RBM39: variants seen among roughly 807,000 people sequenced by gnomAD.
The protein encoded by RBM39 is RNA binding motif protein 39, also known as RNA-binding protein 39.
RBM39 carries 12 observed loss-of-function variants against 79.6 expected under a neutral mutation model. The observed-to-expected ratio is 0.15, with a 90% CI of 0.10 to 0.24. The LOEUF is 0.24. Ranked by LOEUF, RBM39 falls within the 10% of genes least tolerant of loss-of-function variation. RBM39 has a pLI of 1.00. For synonymous variants in RBM39, 185 were observed against 208.4 expected, an observed-to-expected ratio of 0.89 and a Z score of 0.97; for missense variants, 243 against 653.4, an observed-to-expected ratio of 0.37 and a Z score of 6.85.
intron 6 of RBM39, 99 bp from the exon 7 acceptor site, chr20:35,725,254 C>T (rs888143542): frequency 8.3e-6 from 7 of 846,232 alleles, no homozygotes; most frequent in African/African-American, 1.7e-5. Context: ...TTTTCAGGTA[C>T]AGGTGGGTTT....
At position 35,702,536 on chromosome 20, in the gene RBM39, A is replaced by G. The variant is rs1050386466; in HGVS notation, c.*1945T>C. ...ATGACACAACAAATTTGTTAGGAAGACTTGGTTCAAGGGGAAAAACTGATA... is the reference window on the plus strand; with the variant it reads ...ATGACACAACAAATTTGTTAGGAAGGCTTGGTTCAAGGGGAAAAACTGATA... On this transcript the variant is annotated 3_prime_UTR_variant, in exon 17 of 17. Transcript: ENST00000253363. 1.3e-5 allele frequency: 2 copies of G among 152,222 alleles called. No homozygotes were observed. Among genetic ancestry groups the G allele is most frequent in the African/African-American group, 4.8e-5 (2 of 41,448 alleles). 9.4% of individuals were successfully genotyped at this position (152,222 alleles called of 1,614,324 possible).
Position 35,734,155 on chromosome 20 carries a change from T to A in RBM39, c.102-2020A>T, listed in dbSNP as rs1056877796. ...ACCTGTAAGCAGGTCATCTTTAGAG[T>A]GCATTGAAAATAGAAAATGAAGACA... is the stretch of plus-strand genomic sequence containing the variant. On this transcript the variant is annotated intron_variant, in intron 3 of 16. Transcript: ENST00000253363. 4 of 1,243,564 alleles carry A rather than the reference T, an allele frequency of 3.2e-6. No homozygotes were observed. In the African/African-American group the frequency reaches 6.2e-5, roughly 19 times the overall value. The allele number at this position is 1,243,564 out of a possible 1,614,324, so 77.0% of individuals were successfully genotyped here.
intron 3 of RBM39, among the ~76,000 whole-genome samples, chr20:35,737,468 G>A (rs1205377919): frequency 6.7e-6 from 1 of 149,100 alleles, no homozygotes; most frequent in Non-Finnish European, 1.5e-5. Flanking sequence ...GCTGAGGCAG[G>A]AGAACTGCCT....
intron 8 of RBM39, 50 bp from the exon 9 acceptor site, chr20:35,721,927 G>A: frequency 6.4e-7 from 1 of 1,563,758 alleles, no homozygotes; most frequent in South Asian, 1.1e-5. Flanking sequence ...GCAGTTTAAA[G>A]ACATACACCT....
At chr20:35,705,930 A>G (rs2035673636) in intron 14 of RBM39, among the ~76,000 whole-genome samples, 1 of 152,108 alleles carries the variant, frequency 6.6e-6, no homozygotes, top group Non-Finnish European at 1.5e-5. Context: ...GGCCAGGCGC[A>G]GCAGCTCATG....
chr20:35,726,912 A>T (rs1005071865), intron 6 of RBM39, among the ~76,000 whole-genome samples: 2 of 151,984 alleles, frequency 1.3e-5, no homozygotes, highest in Non-Finnish European at 2.9e-5. Flanking sequence ...CACAACCTCC[A>T]TCTCACGGGT....
At chr20:35,713,319 T>C (rs1342216622) in intron 11 of RBM39, 4 of 393,938 alleles carry the variant, frequency 1.0e-5, no homozygotes, top group Non-Finnish European at 1.4e-5. Flanking sequence ...GAAACTCTCT[T>C]TTTTTTTTGA....
chr20:35,721,033 T>A (rs2037865610), intron 9 of RBM39, among the ~76,000 whole-genome samples: 1 of 152,094 alleles, frequency 6.6e-6, no homozygotes, highest in Non-Finnish European at 1.5e-5. Flanking sequence ...GCCTCCTATA[T>A]TCAAGGGAGA....
At chr20:35,722,116 TAC>T (rs978322940) in intron 8 of RBM39, among the ~76,000 whole-genome samples, 2 of 151,610 alleles carry the variant, frequency 1.3e-5, no homozygotes, top group African/African-American at 4.8e-5. Flanking sequence ...GCTTCAAGAG[TAC>T]AGTTTTTGGC....
At chr20:35,735,029 C>T in intron 3 of RBM39, 2 of 1,604,684 alleles carry the variant, frequency 1.2e-6, no homozygotes, top group African/African-American at 2.7e-5. Flanking sequence ...TTTGCTATAA[C>T]TGGATTTGAC....
At chr20:35,715,814 G>T (rs1270459482) in intron 10 of RBM39, among the ~76,000 whole-genome samples, 5 of 152,086 alleles carry the variant, frequency 3.3e-5, no homozygotes, top group Non-Finnish European at 5.9e-5. Flanking sequence ...TGAATGGCTT[G>T]GTGCACTCCC....
At chr20:35,705,960 G>C (rs1444036056) in intron 14 of RBM39, among the ~76,000 whole-genome samples, 2 of 152,150 alleles carry the variant, frequency 1.3e-5, no homozygotes, top group Non-Finnish European at 2.9e-5. Context: ...TCAGCACTTT[G>C]GGAAGCTGAG....
intron 3 of RBM39, among the ~76,000 whole-genome samples, chr20:35,737,617 C>T (rs1487101706): frequency 1.3e-5 from 2 of 151,474 alleles, no homozygotes; most frequent in East Asian, 3.9e-4. Flanking sequence ...AATCCCAGCA[C>T]TTTTGGAGGC....
chr20:35,738,905 A>G, intron 3 of RBM39, 63 bp downstream of exon 3: 2 of 1,407,900 alleles, frequency 1.4e-6, no homozygotes, highest in African/African-American at 1.4e-5. Flanking sequence ...CAGGAACACA[A>G]CTTAAGGTCT....
At chr20:35,721,523 T>C (rs957088111) in intron 9 of RBM39, among the ~76,000 whole-genome samples, 9 of 152,240 alleles carry the variant, frequency 5.9e-5, no homozygotes, top group African/African-American at 1.9e-4. Flanking sequence ...ATACCCATTA[T>C]GCATTTCACA....
chr20:35,733,231 A>G (rs1817030988), intron 3 of RBM39, among the ~76,000 whole-genome samples: 1 of 148,182 alleles, frequency 6.7e-6, no homozygotes, highest in Non-Finnish European at 1.5e-5. Flanking sequence ...TGAACCCGGG[A>G]GGTGGAGGTT....
At chr20:35,706,476 A>G (rs1382014158) in intron 14 of RBM39, among the ~76,000 whole-genome samples, 1 of 152,224 alleles carries the variant, frequency 6.6e-6, no homozygotes, top group Non-Finnish European at 1.5e-5. Context: ...CAGTCATACA[A>G]TTGTCATTAT....
intron 3 of RBM39, among the ~76,000 whole-genome samples, chr20:35,737,315 G>C (rs114811863): frequency 0.01 from 1,494 of 148,614 alleles, 13 homozygotes; most frequent in African/African-American, 0.035. Context: ...GCTTAAGCCC[G>C]GGTGGCAGAG....
chr20:35,731,040 T>C (rs2039313038), intron 4 of RBM39, among the ~76,000 whole-genome samples: 3 of 152,168 alleles, frequency 2.0e-5, no homozygotes, highest in Admixed American at 2.0e-4. Context: ...CTGAAACTTA[T>C]TATCTCCTTA....
Sources: allele counts gnomAD v4.1 joint callset (sites outside exome capture counted in the v4.1 genomes callset), GRCh38; gene constraint gnomAD v4.1.1; transcripts MANE v1.5; gene names NCBI Gene and HGNC (gene_info 2026-07-23, HGNC 2026-07-21).